NEGR1: variants seen among roughly 807,000 people sequenced by gnomAD.
The protein encoded by NEGR1 is IgLON family member 4.
In NEGR1, 10 loss-of-function variants were observed where a neutral mutation model predicts 40.9. The ratio of observed to expected loss-of-function variants is 0.24; its 90% CI spans 0.15 to 0.42. The LOEUF is 0.42. Ranked by LOEUF, NEGR1 falls within the 10% of genes least tolerant of loss-of-function variation. The pLI is 1.00. For missense variants in NEGR1, 352 were observed against 438.9 expected (o/e 0.80, Z 1.77); for synonymous variants, 185 against 166.8 (o/e 1.11, Z -0.84).
chr1:71,900,423 A>G (rs1383606281), intron 2 of NEGR1, among the ~76,000 whole-genome samples: 1 of 152,190 alleles, frequency 6.6e-6, no homozygotes, highest in Admixed American at 6.5e-5. Context: ...GAATTGCCCA[A>G]TTATTTTTGA....
At chr1:71,717,429 A>G (rs923582043) in intron 3 of NEGR1, among the ~76,000 whole-genome samples, 22 of 152,162 alleles carry the variant, frequency 1.4e-4, no homozygotes, top group African/African-American at 5.3e-4. Flanking sequence ...TCAGTCACAG[A>G]CATTCCTTTT....
chr1:71,998,763 A>G (rs2100375425), intron 1 of NEGR1, among the ~76,000 whole-genome samples: 1 of 151,408 alleles, frequency 6.6e-6, no homozygotes, highest in East Asian at 1.9e-4. Context: ...TAAATAGTGT[A>G]ATCTCAACTA....
At chr1:71,565,313 C>G (rs768475394) in intron 6 of NEGR1, among the ~76,000 whole-genome samples, 1 of 152,142 alleles carries the variant, frequency 6.6e-6, no homozygotes, top group African/African-American at 2.4e-5. Context: ...AAATAAGCAG[C>G]TGGAGTTTGT....
intron 3 of NEGR1, among the ~76,000 whole-genome samples, chr1:71,772,183 C>T (rs1250725787): frequency 6.6e-6 from 1 of 151,876 alleles, no homozygotes; most frequent in Non-Finnish European, 1.5e-5. Context: ...TGAGACAACC[C>T]ACAAAGGAGA....
At chr1:71,992,802 C>T (rs1363948354) in intron 1 of NEGR1, among the ~76,000 whole-genome samples, 1 of 152,138 alleles carries the variant, frequency 6.6e-6, no homozygotes, top group Non-Finnish European at 1.5e-5. Flanking sequence ...TGAGTTGCAG[C>T]TAGAAAACTG....
chr1:72,161,818 A>G (rs1271168958), intron 1 of NEGR1, among the ~76,000 whole-genome samples: 1 of 151,142 alleles, frequency 6.6e-6, no homozygotes, highest in Admixed American at 6.6e-5. Flanking sequence ...AGCTGGGACT[A>G]CAAGTATGCC....
At chr1:72,237,463 C>T (rs751107177) in intron 1 of NEGR1, among the ~76,000 whole-genome samples, 2 of 151,898 alleles carry the variant, frequency 1.3e-5, no homozygotes, top group Non-Finnish European at 2.9e-5. Flanking sequence ...GGGTTTGTTT[C>T]CTAGTTCGTA....
chr1:71,764,087 T>G (rs1656040239), intron 3 of NEGR1, among the ~76,000 whole-genome samples: 1 of 152,176 alleles, frequency 6.6e-6, no homozygotes, highest in South Asian at 2.1e-4. Context: ...GTTAATTCCA[T>G]ACAAGTGGTG....
At chr1:71,970,077 A>G (rs1458519010) in intron 1 of NEGR1, among the ~76,000 whole-genome samples, 1 of 152,180 alleles carries the variant, frequency 6.6e-6, no homozygotes, top group East Asian at 1.9e-4. Context: ...GGTTCACCAA[A>G]CCTATTCAGG....
intron 1 of NEGR1, among the ~76,000 whole-genome samples, chr1:72,143,913 TAATA>T (rs1302641603): frequency 2.0e-5 from 2 of 98,532 alleles, no homozygotes; most frequent in Non-Finnish European, 1.9e-5. Context: ...ATGATATATA[TAATA>T]TATATATATA....
intron 1 of NEGR1, among the ~76,000 whole-genome samples, chr1:71,978,521 G>C (rs558255676): frequency 6.6e-6 from 1 of 151,746 alleles, no homozygotes; most frequent in East Asian, 1.9e-4. Context: ...AATTCAAAAA[G>C]CAACCCCATT....
intron 6 of NEGR1, among the ~76,000 whole-genome samples, chr1:71,469,551 T>A (rs1646768710): frequency 6.6e-6 from 1 of 151,980 alleles, no homozygotes. Flanking sequence ...ATTAGGATTA[T>A]CTTGGGGAAA....
chr1:71,885,917 A>C (rs544707907), intron 2 of NEGR1, among the ~76,000 whole-genome samples: 2 of 152,190 alleles, frequency 1.3e-5, no homozygotes, highest in Admixed American at 1.3e-4. Context: ...TCTTTATACT[A>C]TAAATTGAGT....
At chr1:72,200,135 G>T (rs1557575293) in intron 1 of NEGR1, among the ~76,000 whole-genome samples, 2 of 151,746 alleles carry the variant, frequency 1.3e-5, no homozygotes, top group Non-Finnish European at 2.9e-5. Flanking sequence ...AAAGAACTTA[G>T]AACTATAATT....
chr1:72,274,772 G>A, intron 1 of NEGR1: 1 of 1,352,028 alleles, frequency 7.4e-7, no homozygotes, highest in Non-Finnish European at 1.1e-6. Context: ...CAGTTCATCT[G>A]TGACCCCAGC....
intron 4 of NEGR1, among the ~76,000 whole-genome samples, chr1:71,677,805 C>T (rs564943124): frequency 6.6e-6 from 1 of 152,034 alleles, no homozygotes; most frequent in Non-Finnish European, 1.5e-5. Context: ...TGCAGTCTAG[C>T]TTCGTATGAC....
chr1:72,255,123 A>T (rs542388596), intron 1 of NEGR1, among the ~76,000 whole-genome samples: 4 of 152,160 alleles, frequency 2.6e-5, no homozygotes, highest in Non-Finnish European at 4.4e-5. Context: ...CCCTGAAATG[A>T]AGTTGATGTA....
At chr1:72,127,689 T>C (rs1650083864) in intron 1 of NEGR1, among the ~76,000 whole-genome samples, 1 of 152,096 alleles carries the variant, frequency 6.6e-6, no homozygotes, top group African/African-American at 2.4e-5. Flanking sequence ...CAAGTAGTAG[T>C]TGACTGTCTT....
chr1:71,477,737 T>A (rs2101367160), intron 6 of NEGR1, among the ~76,000 whole-genome samples: 1 of 152,200 alleles, frequency 6.6e-6, no homozygotes, highest in African/African-American at 2.4e-5. Flanking sequence ...GTGGCCCTTT[T>A]GTTTGAGGCC....
Sources: gnomAD v4.1 joint callset for allele counts (sites outside exome capture counted in the v4.1 genomes callset) on GRCh38, gnomAD v4.1.1 for gene constraint, MANE v1.5 for transcripts, NCBI Gene and HGNC (gene_info 2026-07-23, HGNC 2026-07-21) for gene names.